Variants in COX7B2 observed in about 807,000 individuals in gnomAD.
COX7B2 encodes the protein cytochrome c oxidase subunit 7B2.
For missense variants in COX7B2, 109 were observed against 95.9 expected (o/e 1.14, Z -0.57); for synonymous variants, 37 against 32.1 (o/e 1.15, Z -0.51).
chr4:46,909,162 A>G lies in COX7B2; in HGVS notation c.-107T>C, dbSNP rs2109917463. The G allele has an allele frequency of 6.6e-6, 1 of 152,364 alleles. No homozygotes were observed. Among genetic ancestry groups the G allele is most frequent in the African/African-American group, 2.4e-5 (1 of 41,580 alleles). 9.4% of individuals were successfully genotyped at this position (152,364 alleles called of 1,614,324 possible). A position where few individuals can be genotyped will look rare whatever the true frequency, so the allele number is the denominator to read the frequency against. On this transcript the variant is annotated splice_region_variant and 5_prime_UTR_variant, in exon 1 of 3. Transcript: ENST00000355591. ...ACCCCAGAATGAGACAAACTTACCA[A>G]GGACGTCACAGGTAACAGGCAAAAA...
chr4:46,839,271 C>T (rs1181228009), intron 2 of COX7B2, among the ~76,000 whole-genome samples: 2 of 151,928 alleles, frequency 1.3e-5, no homozygotes, highest in East Asian at 3.9e-4. Context: ...CTAATTCTTG[C>T]CTTTCAACCA....
intron 2 of COX7B2, among the ~76,000 whole-genome samples, chr4:46,815,722 A>G (rs1305216457): frequency 1.3e-5 from 2 of 152,104 alleles, no homozygotes; most frequent in African/African-American, 2.4e-5. Context: ...TTTATTTTCT[A>G]TTATTAAAAC....
rs1719942897 is a variant in COX7B2, at chr4:46,899,264, G to C, written c.-105+9896C>G. Among the ~76,000 whole-genome samples, 3 of 152,002 alleles carry C rather than the reference G, an allele frequency of 2.0e-5. No homozygotes were observed. In the South Asian group the frequency reaches 6.2e-4, roughly 31 times the overall value. ...CATCTGTAGCAATTGTGTCTTTCAAGCTAGATTTCAGTACCCATTTATTTG... is the reference window on the plus strand; with the variant it reads ...CATCTGTAGCAATTGTGTCTTTCAACCTAGATTTCAGTACCCATTTATTTG... On this transcript the variant is annotated intron_variant, in intron 1 of 2. Transcript: ENST00000355591.
At chr4:46,824,127 A>C (rs1714503404) in intron 2 of COX7B2, among the ~76,000 whole-genome samples, 1 of 152,152 alleles carries the variant, frequency 6.6e-6, no homozygotes, top group South Asian at 2.1e-4. Flanking sequence ...TAAGAAACTG[A>C]ATCCCTGAAC....
intron 1 of COX7B2, among the ~76,000 whole-genome samples, chr4:46,901,932 A>C (rs1192438048): frequency 1.3e-5 from 2 of 152,182 alleles, no homozygotes; most frequent in African/African-American, 4.8e-5. Flanking sequence ...TCTGAATAAC[A>C]CTATCAGCTT....
rs544460975 is a variant in COX7B2 at position 46,817,431 on chromosome 4, C to T, written c.-50+27529G>A. On this transcript the variant is annotated intron_variant, in intron 2 of 2. Coordinates refer to ENST00000355591, the MANE Select transcript of COX7B2 (RefSeq NM_130902.3). ...GTACACATTTCAGTCTCTCAGTCCC[C>T]CAGGTCTATAGGCTCTCCATTATAA... Among the ~76,000 whole-genome samples the T allele has an allele frequency of 2.0e-5, 3 of 152,152 alleles. No homozygotes were observed. In the South Asian group the frequency reaches 6.2e-4, roughly 32 times the overall value.
intron 2 of COX7B2, among the ~76,000 whole-genome samples, chr4:46,781,277 C>T (rs947868923): frequency 1.3e-5 from 2 of 152,162 alleles, no homozygotes; most frequent in African/African-American, 2.4e-5. Flanking sequence ...AGACCCCTTC[C>T]CACTCTGATC....
chr4:46,792,692 G>A (rs1425844993), intron 2 of COX7B2, among the ~76,000 whole-genome samples: 4 of 152,156 alleles, frequency 2.6e-5, no homozygotes, highest in Admixed American at 2.0e-4. Context: ...AGTCATGTGA[G>A]ACAATTCCTT....
intron 2 of COX7B2, among the ~76,000 whole-genome samples, chr4:46,826,331 A>G (rs1714690862): frequency 6.6e-6 from 1 of 152,120 alleles, no homozygotes. Flanking sequence ...ACCATCTTAC[A>G]CCAGTTAAAG....
In COX7B2 at chr4:46,904,681, T is replaced by C. The variant is rs112605182; in HGVS notation, c.-105+4479A>G. ...TCTTTTGATACAGCAATTCTACTTT[T>C]AGGAATTTATACATGCAAGCATCCA... On this transcript the variant is annotated intron_variant, in intron 1 of 2. Transcript: ENST00000355591. Among the ~76,000 whole-genome samples, 1,039 of 152,310 alleles carry C rather than the reference T, an allele frequency of 6.8e-3. 6 individuals are homozygous for C. The highest frequency in any genetic ancestry group is 0.011 in the Non-Finnish European group (780 of 67,996).
At chr4:46,824,303 C>T (rs1413600484) in intron 2 of COX7B2, among the ~76,000 whole-genome samples, 2 of 152,118 alleles carry the variant, frequency 1.3e-5, no homozygotes, top group Non-Finnish European at 2.9e-5. Context: ...GGGACTCTTG[C>T]TCAACTCATA....
At chr4:46,785,090 A>T (rs1352683738) in intron 2 of COX7B2, among the ~76,000 whole-genome samples, 1 of 152,224 alleles carries the variant, frequency 6.6e-6, no homozygotes, top group Non-Finnish European at 1.5e-5. Context: ...AAAGAGTTTT[A>T]AAAATATATT....
intron 1 of COX7B2, among the ~76,000 whole-genome samples, chr4:46,865,393 T>A (rs950905770): frequency 6.6e-6 from 1 of 152,236 alleles, no homozygotes; most frequent in Non-Finnish European, 1.5e-5. Flanking sequence ...TCTTTGTAAC[T>A]GTGTATTGTG....
chr4:46,790,982 T>C (rs1189829728), intron 2 of COX7B2, among the ~76,000 whole-genome samples: 2 of 152,098 alleles, frequency 1.3e-5, no homozygotes, highest in African/African-American at 4.8e-5. Flanking sequence ...TAATATTATG[T>C]AACAGTAACC....
chr4:46,874,440 G>T (rs1373630416), intron 1 of COX7B2, among the ~76,000 whole-genome samples: 2 of 152,062 alleles, frequency 1.3e-5, no homozygotes, highest in African/African-American at 4.8e-5. Flanking sequence ...TTTTTCAATT[G>T]CTACATCTAA....
chr4:46,808,243 C>G (rs1719103477), intron 2 of COX7B2, among the ~76,000 whole-genome samples: 1 of 151,552 alleles, frequency 6.6e-6, no homozygotes, highest in South Asian at 2.1e-4. Context: ...TTTCACCTCC[C>G]CAGTTAAATT....
chr4:46,746,577 A>G (rs1399734388), intron 2 of COX7B2, among the ~76,000 whole-genome samples: 3 of 152,206 alleles, frequency 2.0e-5, no homozygotes, highest in Non-Finnish European at 4.4e-5. Context: ...GAGAGAGACC[A>G]GTGGACTAGA....
chr4:46,748,433 G>A (rs1233388256), intron 2 of COX7B2, among the ~76,000 whole-genome samples: 3 of 152,138 alleles, frequency 2.0e-5, no homozygotes, highest in Non-Finnish European at 2.9e-5. Context: ...CACAGCATGA[G>A]AATATTATAT....
At chr4:46,892,388 T>C (rs1466889743) in intron 1 of COX7B2, among the ~76,000 whole-genome samples, 1 of 152,204 alleles carries the variant, frequency 6.6e-6, no homozygotes, top group Non-Finnish European at 1.5e-5. Context: ...TTTACTTCTA[T>C]TATCCATGAG....
Sources: gnomAD v4.1 joint callset for allele counts (sites outside exome capture counted in the v4.1 genomes callset) on GRCh38, gnomAD v4.1.1 for gene constraint, MANE v1.5 for transcripts, NCBI Gene and HGNC (gene_info 2026-07-23, HGNC 2026-07-21) for gene names.